The following CLASRP variants were observed in gnomAD, a reference collection of about 807,000 sequenced individuals.
CLASRP encodes the protein CLK4-associating serine/arginine rich protein.
Under a neutral mutation model 99.9 loss-of-function variants are expected in CLASRP, and 52 were observed. The observed-to-expected ratio is 0.52, with a 90% confidence interval of 0.42 to 0.66. CLASRP has a LOEUF of 0.66. Among genes scored for constraint, CLASRP ranks in the 30% least tolerant of loss-of-function variants. CLASRP has a pLI of 0.00. For synonymous variants in CLASRP, 379 were observed against 373.0 expected (o/e 1.02, Z -0.18); for missense variants, 848 against 999.2 (o/e 0.85, Z 2.04).
intron 7 of CLASRP, 24 bp downstream of exon 7, chr19:45,057,922 C>G (rs1972151827): frequency 5.6e-6 from 9 of 1,612,812 alleles, no homozygotes; most frequent in Non-Finnish European, 7.6e-6. Context: ...TCTGCCCTCC[C>G]CACCTGCAGT....
chr19:45,057,642 A>G, intron 6 of CLASRP, 108 bp from the exon 7 acceptor site: 1 of 1,298,472 alleles, frequency 7.7e-7, no homozygotes, highest in Non-Finnish European at 1.1e-6. Context: ...AGGCTGAGGG[A>G]GAGCCTGAGG....
chr19:45,039,357 A>C, intron 1 of CLASRP, among the ~76,000 whole-genome samples: 1 of 138,934 alleles, frequency 7.2e-6, no homozygotes, highest in Admixed American at 7.0e-5. Flanking sequence ...CCCCCTTGTC[A>C]AAAAAAAAAA....
intron 15 of CLASRP, 109 bp from the exon 16 acceptor site, chr19:45,068,311 T>A (rs1237984049): frequency 3.7e-6 from 2 of 543,616 alleles, no homozygotes; most frequent in Admixed American, 2.9e-5. Flanking sequence ...CACGTCGTTC[T>A]CCCCCCCCCA....
chr19:45,061,537 C>T (rs918745616), intron 10 of CLASRP, among the ~76,000 whole-genome samples: 9 of 152,170 alleles, frequency 5.9e-5, no homozygotes, highest in African/African-American at 1.4e-4. Flanking sequence ...GGTGTAATCA[C>T]GACTCACTGC....
At chr19:45,057,095 C>T (rs895730051) in intron 6 of CLASRP, among the ~76,000 whole-genome samples, 1 of 152,182 alleles carries the variant, frequency 6.6e-6, no homozygotes, top group African/African-American at 2.4e-5. Flanking sequence ...CTTCTCTCTT[C>T]TCCACCTCAG....
intron 16 of CLASRP, 25 bp from the exon 17 acceptor site, chr19:45,069,041 G>C: frequency 6.2e-7 from 1 of 1,608,664 alleles, no homozygotes; most frequent in East Asian, 2.2e-5. Context: ...GAACCCCTCA[G>C]CCACCCTGTT....
At chr19:45,041,905 C>T (rs1363891812) in intron 2 of CLASRP, among the ~76,000 whole-genome samples, 1 of 152,210 alleles carries the variant, frequency 6.6e-6, no homozygotes, top group African/African-American at 2.4e-5. Flanking sequence ...ATGAGCTCTT[C>T]CCATACCTGG....
At chr19:45,070,217 A>G (rs764065111) in intron 19 of CLASRP, 113 bp downstream of exon 19, 20 of 745,496 alleles carry the variant, frequency 2.7e-5, no homozygotes, top group Non-Finnish European at 4.5e-5. Flanking sequence ...CTGTAATCCC[A>G]GCACTTTGGG....
chr19:45,070,091 CT>C lies in CLASRP; in HGVS notation c.1945del (p.Ser649ProfsTer40). 1.3e-6 allele frequency: 2 copies of C among 1,592,640 alleles called. No homozygotes were observed. The highest frequency in any genetic ancestry group is 1.7e-6 in the Non-Finnish European group (2 of 1,160,448). ...RQYSRQSRSPSPRYSREYSSS... is the reference protein window; with the variant it reads ...RQYSRQSRSPXPRYSREYSSS... Reference sequence around the variant, plus strand: ...AGTACAGCCGGCAGAGCCGCTCACCCTCCCCCCGATACAGTGAGTGTCCCCA... The same window carrying C: ...AGTACAGCCGGCAGAGCCGCTCACCCCCCCCCGATACAGTGAGTGTCCCCA... On this transcript the variant is annotated frameshift_variant, in exon 19 of 21. Coordinates refer to ENST00000221455, the MANE Select transcript of CLASRP (RefSeq NM_007056.3). LOFTEE classifies it high-confidence loss of function.
At chr19:45,045,897 G>C (rs534538649) in intron 2 of CLASRP, among the ~76,000 whole-genome samples, 1 of 152,276 alleles carries the variant, frequency 6.6e-6, no homozygotes, top group East Asian at 1.9e-4. Flanking sequence ...AGGAAGGAAG[G>C]CTGGAGCTGA....
Position 45,064,494 on chromosome 19 carries a change from T to C in CLASRP, c.1273T>C (p.Ser425Pro). 5.9e-6 allele frequency: 9 copies of C among 1,535,546 alleles called. No homozygotes were observed. Among genetic ancestry groups the C allele is most frequent in the South Asian group, 1.2e-5 (1 of 83,922 alleles). Reference sequence around the variant, plus strand: ...CTCCCGGTCCCGCTCCTGGTCCCGCTCCCGCTCCCGCTCCCGGCGCTATTC... The same window carrying C: ...CTCCCGGTCCCGCTCCTGGTCCCGCCCCCGCTCCCGCTCCCGGCGCTATTC... ...ARSRSRSWSR[S>P]RSRSRRYSRS... Residue 425 changes from serine to proline, a missense_variant, in exon 13 of 21, where the codon TCC (serine) becomes CCC (proline). Around this residue, in one of 8 missense-constraint regions of CLASRP, gnomAD observed 489 missense variants for 434.7 expected, o/e 1.12. Transcript: ENST00000221455.
chr19:45,060,680 G>C lies in CLASRP; in HGVS notation c.863+53G>C. ...TGCTGGCATCTGGGGGAGGAGAGCA[G>C]GGGCTTAGGGCCTGAGAAAGCTCTT... On this transcript the variant is annotated intron_variant, in intron 10 of 20. Transcript: ENST00000221455. This position sits in a 1 kb window ranked among gnomAD's most constrained non-coding sequence, Gnocchi z 4.6. The C allele has an allele frequency of 7.2e-7, 1 of 1,396,986 alleles. No individual in the cohort carries two copies. The highest frequency in any genetic ancestry group is 1.4e-5 in the South Asian group (1 of 73,412). The allele number at this position is 1,396,986 out of a possible 1,614,324, so 86.5% of individuals were successfully genotyped here. A position where few individuals can be genotyped will look rare whatever the true frequency, so the allele number is the denominator to read the frequency against.
chr19:45,060,342 C>G lies in CLASRP; in HGVS notation c.711-47C>G, dbSNP rs753088594. On this transcript the variant is annotated intron_variant, in intron 8 of 20. Coordinates refer to ENST00000221455, the MANE Select transcript of CLASRP (RefSeq NM_007056.3). This position sits in a 1 kb window ranked among gnomAD's most constrained non-coding sequence, Gnocchi z 4.6. ...TGACTCAGTCTGTGTCCTCCTTACCCTGTGGCCTGCCCCATCCTCCACCCT... is the reference window on the plus strand; with the variant it reads ...TGACTCAGTCTGTGTCCTCCTTACCGTGTGGCCTGCCCCATCCTCCACCCT... 1.2e-5 allele frequency: 18 copies of G among 1,556,282 alleles called. No homozygotes were observed. The Admixed American group carries it at 2.7e-4, about 23-fold the overall frequency.
chr19:45,050,108 G>C (rs1397112930), intron 2 of CLASRP, among the ~76,000 whole-genome samples: 2 of 151,204 alleles, frequency 1.3e-5, no homozygotes, highest in Non-Finnish European at 2.9e-5. Context: ...AAGGAATGGC[G>C]TGAGGCGAGG....
intron 2 of CLASRP, among the ~76,000 whole-genome samples, chr19:45,043,411 CAAAAAAA>C (rs34898629): frequency 4.9e-5 from 4 of 81,762 alleles, no homozygotes; most frequent in African/African-American, 1.0e-4. Context: ...GACTCCGTCC[CAAAAAAA>C]AAAAAAAAAA....
intron 1 of CLASRP, 194 bp from the exon 2 acceptor site, chr19:45,039,990 C>T: frequency 2.3e-6 from 1 of 429,580 alleles, no homozygotes; most frequent in Non-Finnish European, 4.3e-6. Flanking sequence ...TCAGAATGCC[C>T]AAGCTTCTAG....
intron 12 of CLASRP, 44 bp from the exon 13 acceptor site, chr19:45,064,299 C>A: frequency 6.6e-7 from 1 of 1,505,408 alleles, no homozygotes. Flanking sequence ...AGGGGGGCCG[C>A]GGCTCAGGCC....
rs1408014126 is a variant in CLASRP at position 45,060,264 on chromosome 19, T to C, written c.711-125T>C. 1.3e-6 allele frequency: 1 copy of C among 780,934 alleles called. No individual in the cohort carries two copies. Among genetic ancestry groups the C allele is most frequent in the East Asian group, 2.6e-5 (1 of 37,916 alleles). 48.4% of individuals were successfully genotyped at this position (780,934 alleles called of 1,614,324 possible). ...AGGGTGCTTGATAAGTGGCATTGAA[T>C]GAAAGATACCTCAGGCTGGCGTGGG... On this transcript the variant is annotated intron_variant, in intron 8 of 20. Transcript: ENST00000221455. This position sits in a 1 kb window ranked among gnomAD's most constrained non-coding sequence, Gnocchi z 4.6.
intron 2 of CLASRP, among the ~76,000 whole-genome samples, chr19:45,050,078 G>A (rs1971993602): frequency 6.6e-6 from 1 of 152,210 alleles, no homozygotes; most frequent in East Asian, 1.9e-4. Flanking sequence ...GCAGAAGCAC[G>A]GGGCATGTCT....
Sources: allele counts gnomAD v4.1 joint callset (sites outside exome capture counted in the v4.1 genomes callset), GRCh38; gene constraint gnomAD v4.1.1; regional missense constraint gnomAD v4.1.1; non-coding constraint Gnocchi (gnomAD v3.1); transcripts MANE v1.5; gene names NCBI Gene and HGNC (gene_info 2026-07-23, HGNC 2026-07-21).